CAMSAP1: variants seen among roughly 807,000 people sequenced by gnomAD.
CAMSAP1 encodes the protein calmodulin-regulated spectrin-associated protein 1.
A neutral mutation model predicts 143.5 loss-of-function variants in CAMSAP1; 58 were observed. The ratio of observed to expected loss-of-function variants is 0.40; its 90% confidence interval spans 0.33 to 0.50. The LOEUF is 0.50. CAMSAP1 is among the 20% of genes least tolerant of loss of function. The pLI is 0.45. For synonymous variants in CAMSAP1, 945 were observed against 859.3 expected (o/e 1.10, Z -1.74); for missense variants, 1,969 against 2,115.7 (o/e 0.93, Z 1.36).
intron 3 of CAMSAP1, among the ~76,000 whole-genome samples, chr9:135,880,395 G>C (rs1315076824): frequency 6.6e-6 from 1 of 152,020 alleles, no homozygotes; most frequent in African/African-American, 2.4e-5. Flanking sequence ...ACCCAAATCT[G>C]AACTAGGGCC....
At position 135,809,367 on chromosome 9, in the gene CAMSAP1, T is replaced by C. The variant is rs936941601; in HGVS notation, c.*1942A>G. 2 of 152,230 alleles carry C rather than the reference T, an allele frequency of 1.3e-5. No homozygotes were observed. Among genetic ancestry groups the C allele is most frequent in the African/African-American group, 4.8e-5 (2 of 41,448 alleles). 9.4% of individuals were successfully genotyped at this position (152,230 alleles called of 1,614,324 possible). A position where few individuals can be genotyped will look rare whatever the true frequency, so the allele number is the denominator to read the frequency against. On this transcript the variant is annotated 3_prime_UTR_variant, in exon 17 of 17. Coordinates refer to ENST00000389532, the MANE Select transcript of CAMSAP1 (RefSeq NM_015447.4). ...ATGTTCCACACACTGACTCATTCCATGGAGAAAATCCAGAATTGATTCAGA... is the reference window on the plus strand; with the variant it reads ...ATGTTCCACACACTGACTCATTCCACGGAGAAAATCCAGAATTGATTCAGA...
At chr9:135,813,278 C>A (rs925070699) in intron 16 of CAMSAP1, among the ~76,000 whole-genome samples, 4 of 152,196 alleles carry the variant, frequency 2.6e-5, no homozygotes, top group Admixed American at 1.3e-4. Context: ...GGACGGAGGG[C>A]CCGAGCGGCT....
chr9:135,831,275 A>G (rs967820467), intron 7 of CAMSAP1, among the ~76,000 whole-genome samples: 1 of 152,242 alleles, frequency 6.6e-6, no homozygotes, highest in Non-Finnish European at 1.5e-5. Flanking sequence ...AGGGAATTTT[A>G]AAAGTATCTT....
In CAMSAP1 at chr9:135,809,919, T is replaced by C. The variant is rs557054241; in HGVS notation, c.*1390A>G. ...TATGTACACGACTCACTCATGTTTT[T>C]TGTCTATCTAAAATTATGTAACAGT... On this transcript the variant is annotated 3_prime_UTR_variant, in exon 17 of 17. Transcript: ENST00000389532. 6.6e-6 allele frequency: 1 copy of C among 152,504 alleles called. No individual in the cohort carries two copies. The highest frequency in any genetic ancestry group is 6.5e-5 in the Admixed American group (1 of 15,298). The allele number at this position is 152,504 out of a possible 1,614,324, so 9.4% of individuals were successfully genotyped here.
intron 1 of CAMSAP1, among the ~76,000 whole-genome samples, chr9:135,904,237 CA>C (rs1209064544): frequency 6.6e-6 from 1 of 151,830 alleles, no homozygotes; most frequent in Non-Finnish European, 1.5e-5. Flanking sequence ...CCCATCTCTA[CA>C]AAAAATACAA....
At chr9:135,838,527 A>T (rs935782161) in intron 7 of CAMSAP1, among the ~76,000 whole-genome samples, 1 of 142,840 alleles carries the variant, frequency 7.0e-6, no homozygotes, top group Non-Finnish European at 1.5e-5. Flanking sequence ...CGCACTTTCC[A>T]CCCATTCTAC....
At chr9:135,812,983 T>C (rs931771352) in intron 16 of CAMSAP1, among the ~76,000 whole-genome samples, 6 of 151,606 alleles carry the variant, frequency 4.0e-5, no homozygotes, top group Non-Finnish European at 2.9e-5. Flanking sequence ...GAATCTGAAG[T>C]ATGACAAACT....
At chr9:135,885,130 T>C (rs972233945) in intron 1 of CAMSAP1, among the ~76,000 whole-genome samples, 2 of 152,194 alleles carry the variant, frequency 1.3e-5, no homozygotes, top group South Asian at 2.1e-4. Context: ...TCTCGCTGCC[T>C]GCTCCATCCC....
At chr9:135,838,622 T>C (rs1836218661) in intron 7 of CAMSAP1, among the ~76,000 whole-genome samples, 1 of 143,128 alleles carries the variant, frequency 7.0e-6, no homozygotes, top group South Asian at 2.4e-4. Context: ...ACACACATCA[T>C]CACGCACTTT....
chr9:135,839,832 G>C (rs1289761489), intron 7 of CAMSAP1, among the ~76,000 whole-genome samples: 1 of 151,926 alleles, frequency 6.6e-6, no homozygotes, highest in Non-Finnish European at 1.5e-5. Context: ...GCCACACAAG[G>C]GCCCCTGACG....
Position 135,904,476 on chromosome 9 carries a change from T to C in CAMSAP1, c.160+2524A>G, listed in dbSNP as rs529311284. Among the ~76,000 whole-genome samples, 62 of 150,330 alleles carry C rather than the reference T, an allele frequency of 4.1e-4. 1 individual carries two copies. The highest frequency in any genetic ancestry group is 2.4e-5 in the African/African-American group (1 of 40,828). On this transcript the variant is annotated intron_variant, in intron 1 of 16. Coordinates refer to ENST00000389532, the MANE Select transcript of CAMSAP1 (RefSeq NM_015447.4). Reference sequence around the variant, plus strand: ...CAGGAGGATCACTGGAGCCCAGGAGTTGGAGACCAGCCTGGGAAACACAGG... The same window carrying C: ...CAGGAGGATCACTGGAGCCCAGGAGCTGGAGACCAGCCTGGGAAACACAGG...
rs1258274975 is a variant in CAMSAP1 at position 135,821,016 on chromosome 9, G to A, written c.3645C>T (p.Val1215=). 1.2e-6 allele frequency: 2 copies of A among 1,613,008 alleles called. No homozygotes were observed. The highest frequency in any genetic ancestry group is 1.3e-5 in the African/African-American group (1 of 74,874). ...VKEVGSSSSD[V]SGKESVPVEE... is the part of the protein sequence containing the mutation. The stretch of plus-strand genomic sequence containing the variant: ...CCACGGGGACGCTCTCTTTTCCCGA[G>A]ACATCTGAGGAGCTGGACCCCACCT... The change falls in exon 11 of 17, where the codon GTC becomes GTT. Residue 1215 remains valine (V), a synonymous_variant. Transcript: ENST00000389532. The surrounding 1 kb of genome is among the most constrained non-coding windows in gnomAD (Gnocchi z 4.6).
intron 1 of CAMSAP1, among the ~76,000 whole-genome samples, chr9:135,893,669 C>T (rs560888130): frequency 1.3e-5 from 2 of 152,284 alleles, no homozygotes; most frequent in African/African-American, 4.8e-5. Context: ...TCTTCCAATA[C>T]TTGTGAAGCT....
rs565774126 is a variant in CAMSAP1 at position 135,836,405 on chromosome 9, T to C, written c.1046-8821A>G. The stretch of plus-strand genomic sequence containing the variant: ...TACAGACACACGTTACCACGCTTTT[T>C]CTACTCCGTTCTACAGACACGTCAC... On this transcript the variant is annotated intron_variant, in intron 7 of 16. Transcript: ENST00000389532. The C allele has an allele frequency of 3.4e-5, 33 of 984,632 alleles. 1 individual carries two copies. In the South Asian group the frequency reaches 1.3e-3, roughly 39 times the overall value. The allele number at this position is 984,632 out of a possible 1,614,324, so 61.0% of individuals were successfully genotyped here.
At chr9:135,833,991 G>C (rs1835935348) in intron 7 of CAMSAP1, among the ~76,000 whole-genome samples, 1 of 152,160 alleles carries the variant, frequency 6.6e-6, no homozygotes, top group Non-Finnish European at 1.5e-5. Flanking sequence ...TAAAAAGCAG[G>C]CTAAGGTCTT....
At chr9:135,814,427 G>C (rs1016776693) in intron 16 of CAMSAP1, among the ~76,000 whole-genome samples, 1 of 152,176 alleles carries the variant, frequency 6.6e-6, no homozygotes, top group East Asian at 1.9e-4. Flanking sequence ...CCACACACCA[G>C]CCTCAATCTG....
At chr9:135,878,938 G>A (rs1002598810) in intron 3 of CAMSAP1, among the ~76,000 whole-genome samples, 1 of 152,172 alleles carries the variant, frequency 6.6e-6, no homozygotes. Flanking sequence ...AAAAGAAAAG[G>A]TCATGAAAAC....
chr9:135,839,403 C>T (rs1439324724), intron 7 of CAMSAP1, among the ~76,000 whole-genome samples: 1 of 152,176 alleles, frequency 6.6e-6, no homozygotes, highest in African/African-American at 2.4e-5. Context: ...CCCAAAGGGA[C>T]CACCAGCTAC....
In CAMSAP1 at chr9:135,824,431, C is replaced by T. The variant is rs933322991; in HGVS notation, c.1315+358G>A. On this transcript the variant is annotated intron_variant, in intron 9 of 16. Transcript: ENST00000389532. The surrounding 1 kb of genome is among the most constrained non-coding windows in gnomAD (Gnocchi z 4.1). ...CCTGTAATTCCAGCACTCTGGGAGG[C>T]CGAGGTGGGCAGATCATGAGGCTAG... Among the ~76,000 whole-genome samples the T allele has an allele frequency of 1.3e-5, 2 of 152,192 alleles. No individual in the cohort carries two copies. The highest frequency in any genetic ancestry group is 2.1e-4 in the South Asian group (1 of 4,836).
Sources: allele counts gnomAD v4.1 joint callset (sites outside exome capture counted in the v4.1 genomes callset), GRCh38; gene constraint gnomAD v4.1.1; non-coding constraint Gnocchi (gnomAD v3.1); transcripts MANE v1.5; gene names NCBI Gene and HGNC (gene_info 2026-07-23, HGNC 2026-07-21).